MSRA: variants seen among roughly 807,000 people sequenced by gnomAD.
The protein encoded by MSRA is mitochondrial peptide methionine sulfoxide reductase.
Under a neutral mutation model 31.3 loss-of-function variants are expected in MSRA, and 54 were observed. The ratio of observed to expected loss-of-function variants is 1.73; its 90% CI spans 1.39 to 2.17. The LOEUF is 2.17. Ranked by LOEUF, MSRA falls within the 30% of genes most tolerant of loss-of-function variation. MSRA has a pLI of 0.00. For synonymous variants in MSRA, 169 were observed against 116.5 expected (o/e 1.45, Z -2.90); for missense variants, 507 against 300.9 (o/e 1.69, Z -5.07).
chr8:10,200,495 G>T (rs115366238), intron 1 of MSRA, among the ~76,000 whole-genome samples: 1 of 152,096 alleles, frequency 6.6e-6, no homozygotes, highest in African/African-American at 2.4e-5. Flanking sequence ...CCTTCCTGGG[G>T]GACTCCCTGC....
intron 5 of MSRA, among the ~76,000 whole-genome samples, chr8:10,385,731 T>A (rs1806347798): frequency 6.7e-6 from 1 of 150,204 alleles, no homozygotes; most frequent in South Asian, 2.1e-4. Context: ...GTGGAAGAGC[T>A]ACCGGTGTCA....
chr8:10,335,260 T>TTG (rs1554530438), intron 5 of MSRA, among the ~76,000 whole-genome samples: 1 of 147,860 alleles, frequency 6.8e-6, no homozygotes, highest in Non-Finnish European at 1.5e-5. Context: ...GTTTTTTTTT[T>TTG]TTTTTTTTTT....
chr8:10,061,791 C>T (rs1797203335), intron 1 of MSRA, among the ~76,000 whole-genome samples: 1 of 152,186 alleles, frequency 6.6e-6, no homozygotes, highest in Non-Finnish European at 1.5e-5. Context: ...TAGATTTTGG[C>T]TGATTTCTCT....
chr8:10,385,865 A>G (rs1806359579), intron 5 of MSRA, among the ~76,000 whole-genome samples: 1 of 152,048 alleles, frequency 6.6e-6, no homozygotes, highest in Non-Finnish European at 1.5e-5. Context: ...CAGTGTGGAG[A>G]GAGCCCAGGA....
rs150715616 is a variant in MSRA, at chr8:10,167,124, C to A, written c.143-40709C>A. 1.8e-3 allele frequency among the ~76,000 whole-genome samples: 281 copies of A among 152,304 alleles called. 3 individuals carry two copies. The highest frequency in any genetic ancestry group is 6.4e-3 in the African/African-American group (268 of 41,552). On this transcript the variant is annotated intron_variant, in intron 1 of 5. Coordinates refer to ENST00000317173, the MANE Select transcript of MSRA (RefSeq NM_012331.5). ...TCCTCTCCATTCTCTTCCAACACTGCTTCCCCAGGTCCCCTCTCCCATGCC... is the reference window on the plus strand; with the variant it reads ...TCCTCTCCATTCTCTTCCAACACTGATTCCCCAGGTCCCCTCTCCCATGCC...
intron 1 of MSRA, among the ~76,000 whole-genome samples, chr8:10,092,210 G>A (rs1798893284): frequency 6.6e-6 from 1 of 151,778 alleles, no homozygotes; most frequent in Non-Finnish European, 1.5e-5. Context: ...CCATATATTT[G>A]TGATTTTTCC....
At chr8:10,249,574 C>A (rs895705720) in intron 3 of MSRA, among the ~76,000 whole-genome samples, 1 of 152,166 alleles carries the variant, frequency 6.6e-6, no homozygotes. Context: ...GGCTGAGAAA[C>A]TTACCTCACC....
intron 5 of MSRA, among the ~76,000 whole-genome samples, chr8:10,334,857 C>A (rs1272050704): frequency 6.6e-6 from 1 of 152,260 alleles, no homozygotes; most frequent in Admixed American, 6.5e-5. Flanking sequence ...CGCCACCCCT[C>A]CCCCGCTCTG....
chr8:10,358,326 G>A lies in MSRA; in HGVS notation c.543+38337G>A, dbSNP rs943769930. Among the ~76,000 whole-genome samples, 48 of 152,240 alleles carry A rather than the reference G, an allele frequency of 3.2e-4. 2 individuals are homozygous for A. The highest frequency in any genetic ancestry group is 2.2e-3 in the Admixed American group (34 of 15,288). On this transcript the variant is annotated intron_variant, in intron 5 of 5. Coordinates refer to ENST00000317173, the MANE Select transcript of MSRA (RefSeq NM_012331.5). The stretch of plus-strand genomic sequence containing the variant: ...TAGTCCCAATAACAATAATAAGAGC[G>A]CTATACCATCAGTGATGATTACTGA...
At chr8:10,338,277 C>G (rs1156826361) in intron 5 of MSRA, among the ~76,000 whole-genome samples, 1 of 152,062 alleles carries the variant, frequency 6.6e-6, no homozygotes, top group Non-Finnish European at 1.5e-5. Context: ...CATGATCTCA[C>G]TTATATGTGG....
At position 10,123,178 on chromosome 8, in the gene MSRA, A is replaced by T. The variant is rs182585976; in HGVS notation, c.142+68520A>T. 3.1e-3 allele frequency among the ~76,000 whole-genome samples: 479 copies of T among 152,258 alleles called. 1 individual carries two copies. The highest frequency in any genetic ancestry group is 5.6e-3 in the Non-Finnish European group (380 of 68,020). ...AGTGTTTTCTTCTCTTCACAATCTC[A>T]CCAGCATCTGTTATGTTTTGACTTT... On this transcript the variant is annotated intron_variant, in intron 1 of 5. Coordinates refer to ENST00000317173, the MANE Select transcript of MSRA (RefSeq NM_012331.5).
intron 5 of MSRA, among the ~76,000 whole-genome samples, chr8:10,334,158 A>C (rs1435502777): frequency 6.7e-6 from 1 of 149,258 alleles, no homozygotes; most frequent in Non-Finnish European, 1.5e-5. Flanking sequence ...ACCAACTAAC[A>C]TATAGGGGTG....
At chr8:10,110,019 C>A (rs541137805) in intron 1 of MSRA, among the ~76,000 whole-genome samples, 1 of 152,098 alleles carries the variant, frequency 6.6e-6, no homozygotes, top group South Asian at 2.1e-4. Context: ...TTCCCCACAT[C>A]CCAGATTTCA....
rs577121543 is a variant in MSRA, at chr8:10,379,786, T to A, written c.544-48362T>A. On this transcript the variant is annotated intron_variant, in intron 5 of 5. Coordinates refer to ENST00000317173, the MANE Select transcript of MSRA (RefSeq NM_012331.5). ...AGGGTTTCTTTTAGGCCATGATCTC[T>A]TCTGCCAGTGGCAGTCTGCAGGCGT... is the stretch of plus-strand genomic sequence containing the variant. Among the ~76,000 whole-genome samples the A allele has an allele frequency of 2.6e-5, 4 of 152,338 alleles. No homozygotes were observed. The South Asian group carries it at 8.3e-4, about 32-fold the overall frequency.
chr8:10,315,896 T>TTAGAGTTA (rs1801684603), intron 4 of MSRA, among the ~76,000 whole-genome samples: 1 of 152,194 alleles, frequency 6.6e-6, no homozygotes, highest in Non-Finnish European at 1.5e-5. Context: ...ATAAATAGAA[T>TTAGAGTTA]TTCCCTTTTA....
chr8:10,185,077 T>C (rs1013293438), intron 1 of MSRA, among the ~76,000 whole-genome samples: 3 of 152,228 alleles, frequency 2.0e-5, no homozygotes, highest in African/African-American at 7.2e-5. Flanking sequence ...ACATTTACCA[T>C]GAAATCCTCT....
chr8:10,329,660 A>G lies in MSRA; in HGVS notation c.543+9671A>G, dbSNP rs1389953542. Among the ~76,000 whole-genome samples the G allele has an allele frequency of 2.6e-5, 4 of 152,128 alleles. No homozygotes were observed. The South Asian group carries it at 8.3e-4, about 32-fold the overall frequency. On this transcript the variant is annotated intron_variant, in intron 5 of 5. Transcript: ENST00000317173. ...ATCTGGTCTCCAACCTGCCAGTGTC[A>G]TGTGTCCACCCCAAAATGGGAGACT...
intron 1 of MSRA, among the ~76,000 whole-genome samples, chr8:10,057,350 A>G (rs933123551): frequency 1.5e-4 from 23 of 152,168 alleles, no homozygotes; most frequent in African/African-American, 3.6e-4. Flanking sequence ...GAACTTGGGA[A>G]TGAGGGACAA....
At chr8:10,271,833 C>G (rs994020328) in intron 3 of MSRA, among the ~76,000 whole-genome samples, 1 of 151,832 alleles carries the variant, frequency 6.6e-6, no homozygotes, top group African/African-American at 2.4e-5. Context: ...ACTCTCTTGC[C>G]TCAGCCTCTC....
Sources: allele counts gnomAD v4.1 joint callset (sites outside exome capture counted in the v4.1 genomes callset), GRCh38; gene constraint gnomAD v4.1.1; transcripts MANE v1.5; gene names NCBI Gene and HGNC (gene_info 2026-07-23, HGNC 2026-07-21).